Variants in DLGAP1 observed in about 807,000 individuals in gnomAD.
DLGAP1 encodes the protein disks large-associated protein 1.
In DLGAP1, 11 loss-of-function variants were observed where a neutral mutation model predicts 90.8. That is an observed-to-expected ratio of 0.12 (90% confidence interval 0.08 to 0.20). The LOEUF (loss-of-function observed/expected upper bound fraction) is 0.20. Among genes scored for constraint, DLGAP1 ranks in the 10% least tolerant of loss-of-function variants. DLGAP1 has a pLI of 1.00. For missense variants in DLGAP1, 1,050 were observed against 1,333.8 expected (o/e 0.79, Z 3.31); for synonymous variants, 558 against 540.7 (o/e 1.03, Z -0.44).
At chr18:4,068,773 T>C (rs550245940) in intron 2 of DLGAP1, among the ~76,000 whole-genome samples, 2 of 152,290 alleles carry the variant, frequency 1.3e-5, no homozygotes, top group Admixed American at 1.3e-4. Context: ...AAAACTACAG[T>C]GAACATGTCA....
At chr18:4,274,331 C>A (rs1348510927) in intron 1 of DLGAP1, among the ~76,000 whole-genome samples, 2 of 151,828 alleles carry the variant, frequency 1.3e-5, no homozygotes, top group Non-Finnish European at 2.9e-5. Flanking sequence ...CAATTTTTTC[C>A]TGCTATTGAT....
At chr18:3,674,285 T>A (rs1311018652) in intron 7 of DLGAP1, among the ~76,000 whole-genome samples, 6 of 105,078 alleles carry the variant, frequency 5.7e-5, no homozygotes, top group Non-Finnish European at 1.1e-4. Flanking sequence ...ATCTTGTCTC[T>A]ATAATATTAA....
chr18:4,103,969 A>C (rs2075820561), intron 2 of DLGAP1, among the ~76,000 whole-genome samples: 1 of 152,190 alleles, frequency 6.6e-6, no homozygotes, highest in South Asian at 2.1e-4. Context: ...TAGGAGTTTT[A>C]CATCCACATT....
intron 7 of DLGAP1, among the ~76,000 whole-genome samples, chr18:3,638,541 A>G (rs960691865): frequency 5.3e-5 from 8 of 152,156 alleles, no homozygotes; most frequent in Non-Finnish European, 8.8e-5. Flanking sequence ...GTGAGCCAAC[A>G]TGGCTGTCTT....
chr18:3,989,802 C>A (rs59121266), intron 3 of DLGAP1, among the ~76,000 whole-genome samples: 52,017 of 151,684 alleles, frequency 0.34, 9,036 homozygotes, highest in East Asian at 0.5. Flanking sequence ...AACAAACAAC[C>A]CCATCAAAAA....
intron 1 of DLGAP1, among the ~76,000 whole-genome samples, chr18:4,313,701 C>A (rs1436966656): frequency 5.3e-5 from 8 of 152,088 alleles, no homozygotes; most frequent in Non-Finnish European, 4.4e-5. Flanking sequence ...AAAAGAGAAC[C>A]TTCTGAAATG....
intron 10 of DLGAP1, among the ~76,000 whole-genome samples, chr18:3,518,037 C>T (rs2050951071): frequency 6.6e-6 from 1 of 152,186 alleles, no homozygotes; most frequent in Admixed American, 6.5e-5. Context: ...GGCTATCTGG[C>T]ACAAAAAGCC....
intron 2 of DLGAP1, among the ~76,000 whole-genome samples, chr18:4,081,530 T>A (rs558010791): frequency 1.3e-5 from 2 of 152,300 alleles, no homozygotes; most frequent in African/African-American, 4.8e-5. Context: ...CTCTGACCCA[T>A]CCCTCACCCA....
At chr18:4,001,131 A>G (rs1378651243) in intron 3 of DLGAP1, among the ~76,000 whole-genome samples, 2 of 132,836 alleles carry the variant, frequency 1.5e-5, no homozygotes, top group African/African-American at 2.8e-5. Context: ...TTTCTTTTCT[A>G]TTTTTCTTAA....
rs558730432 is a variant in DLGAP1, at chr18:3,538,243, G to A, written c.2058-3628C>T. On this transcript the variant is annotated intron_variant, in intron 9 of 12. Transcript: ENST00000315677. ...TAAGATGGCCAAAATGACCAAATAC[G>A]TTGTGATTCTGGCCATCCATTTTAC... Among the ~76,000 whole-genome samples the A allele has an allele frequency of 5.3e-5, 8 of 152,166 alleles. 1 individual carries two copies. The highest frequency in any genetic ancestry group is 1.2e-4 in the African/African-American group (5 of 41,536).
At chr18:4,320,991 C>G (rs541357272) in intron 1 of DLGAP1, among the ~76,000 whole-genome samples, 1 of 152,168 alleles carries the variant, frequency 6.6e-6, no homozygotes, top group Non-Finnish European at 1.5e-5. Context: ...GTAAATATCT[C>G]TAAGTGCAAA....
intron 2 of DLGAP1, among the ~76,000 whole-genome samples, chr18:4,090,216 G>T (rs966989020): frequency 6.6e-6 from 1 of 152,084 alleles, no homozygotes; most frequent in Non-Finnish European, 1.5e-5. Flanking sequence ...AACATCAAAA[G>T]CAATTGCAAC....
At chr18:3,794,592 C>T (rs573693269) in intron 5 of DLGAP1, among the ~76,000 whole-genome samples, 32 of 152,248 alleles carry the variant, frequency 2.1e-4, no homozygotes, top group African/African-American at 7.2e-4. Flanking sequence ...TTCTCACACT[C>T]GGGGCTTTTG....
At chr18:4,365,896 G>A (rs534652766) in intron 1 of DLGAP1, among the ~76,000 whole-genome samples, 93 of 152,188 alleles carry the variant, frequency 6.1e-4, no homozygotes, top group African/African-American at 2.2e-3. Flanking sequence ...AGCTGGCTCT[G>A]TAAATAGCTT....
intron 5 of DLGAP1, among the ~76,000 whole-genome samples, chr18:3,793,419 T>C (rs1336138802): frequency 3.3e-5 from 5 of 152,206 alleles, no homozygotes; most frequent in Non-Finnish European, 7.3e-5. Flanking sequence ...TCCTTTGAAG[T>C]GCTGCTCCTC....
intron 6 of DLGAP1, among the ~76,000 whole-genome samples, chr18:3,740,027 G>T (rs1404381822): frequency 6.6e-6 from 1 of 152,160 alleles, no homozygotes; most frequent in Non-Finnish European, 1.5e-5. Flanking sequence ...CAAATGTGCA[G>T]CCAGGGACTA....
intron 2 of DLGAP1, among the ~76,000 whole-genome samples, chr18:4,122,769 G>C: frequency 6.6e-6 from 1 of 152,164 alleles, no homozygotes; most frequent in Non-Finnish European, 1.5e-5. Context: ...AGCTGGAGAG[G>C]CGAGACTTTG....
chr18:4,090,068 C>A (rs2075752070), intron 2 of DLGAP1, among the ~76,000 whole-genome samples: 1 of 151,998 alleles, frequency 6.6e-6, no homozygotes, highest in Non-Finnish European at 1.5e-5. Flanking sequence ...AAACTGGACC[C>A]CTTCCTTACA....
chr18:4,428,918 C>T (rs1279115653), intron 1 of DLGAP1, among the ~76,000 whole-genome samples: 1 of 152,106 alleles, frequency 6.6e-6, no homozygotes, highest in African/African-American at 2.4e-5. Context: ...CAAATCAGAT[C>T]CCATGGGGGC....
Sources: gnomAD v4.1 joint callset for allele counts (sites outside exome capture counted in the v4.1 genomes callset) on GRCh38, gnomAD v4.1.1 for gene constraint, MANE v1.5 for transcripts, NCBI Gene and HGNC (gene_info 2026-07-23, HGNC 2026-07-21) for gene names.